Variants in SLC8A3 observed in about 807,000 individuals in gnomAD.
SLC8A3 encodes the protein solute carrier family 8 member A3.
A neutral mutation model predicts 65.4 loss-of-function variants in SLC8A3; 37 were observed. The ratio of observed to expected loss-of-function variants is 0.57; its 90% CI spans 0.44 to 0.74. The LOEUF (loss-of-function observed/expected upper bound fraction) is 0.74, where lower values mean the gene tolerates loss of function less well. SLC8A3 is among the 30% of genes least tolerant of loss of function. SLC8A3 has a pLI of 0.00. For missense variants in SLC8A3, 1,112 were observed against 1,172.1 expected, an observed-to-expected ratio of 0.95 and a Z score of 0.75; for synonymous variants, 461 against 444.5, an observed-to-expected ratio of 1.04 and a Z score of -0.47.
chr14:70,126,810 A>G (rs1894489719), intron 2 of SLC8A3, among the ~76,000 whole-genome samples: 2 of 152,068 alleles, frequency 1.3e-5, no homozygotes, highest in Non-Finnish European at 2.9e-5. Flanking sequence ...TTGAGTGCCA[A>G]TATGACACTC....
Position 70,168,461 on chromosome 14 carries a change from T to C in SLC8A3, c.-39A>G. 6.5e-7 allele frequency: 1 copy of C among 1,537,514 alleles called. No individual in the cohort carries two copies. Among genetic ancestry groups the C allele is most frequent in the Non-Finnish European group, 8.9e-7 (1 of 1,122,804 alleles). On this transcript the variant is annotated 5_prime_UTR_variant, in exon 2 of 7. Coordinates refer to ENST00000356921, the MANE Select transcript of SLC8A3 (RefSeq NM_182932.3). ...CCACTGGCTTCTATTGCAGCACCAG[T>C]TGTCCTCCTGATAGGCCAGAGACCT... is the stretch of plus-strand genomic sequence containing the variant.
chr14:70,076,719 C>A (rs1419593960), intron 2 of SLC8A3, among the ~76,000 whole-genome samples: 1 of 152,176 alleles, frequency 6.6e-6, no homozygotes, highest in South Asian at 2.1e-4. Flanking sequence ...GCCTTCAAAA[C>A]ATGCATGAAA....
chr14:70,076,026 C>A (rs1890483116), intron 2 of SLC8A3, among the ~76,000 whole-genome samples: 1 of 152,170 alleles, frequency 6.6e-6, no homozygotes, highest in Non-Finnish European at 1.5e-5. Context: ...GCCTGCAAAG[C>A]CTGACCTTGA....
intron 2 of SLC8A3, among the ~76,000 whole-genome samples, chr14:70,073,675 G>A (rs1393365640): frequency 3.3e-5 from 5 of 152,188 alleles, no homozygotes; most frequent in Admixed American, 1.3e-4. Flanking sequence ...GGATCTCTCT[G>A]TCTTGTCTTC....
In SLC8A3 at chr14:70,167,367, G is replaced by A. The variant is rs1358462806; in HGVS notation, c.1056C>T (p.Ala352=). 6.2e-7 allele frequency: 1 copy of A among 1,614,166 alleles called. No individual in the cohort carries two copies. Among genetic ancestry groups the A allele is most frequent in the Non-Finnish European group, 8.5e-7 (1 of 1,180,028 alleles). Reference sequence around the variant, plus strand: ...TACGAGTGGCTTGGATACGGTAGAAGGCACGGCTCTTCTGTTGGTGGGAAA... The same window carrying A: ...TACGAGTGGCTTGGATACGGTAGAAAGCACGGCTCTTCTGTTGGTGGGAAA... ...YALSHQQKSR[A]FYRIQATRMM... The change falls in exon 2 of 7, where the codon GCC becomes GCT. Residue 352 remains alanine (A), a synonymous_variant. Coordinates refer to ENST00000356921, the MANE Select transcript of SLC8A3 (RefSeq NM_182932.3).
chr14:70,122,329 C>G (rs953983127), intron 2 of SLC8A3, among the ~76,000 whole-genome samples: 1 of 152,202 alleles, frequency 6.6e-6, no homozygotes, highest in Non-Finnish European at 1.5e-5. Flanking sequence ...TCAGCCCACT[C>G]GCAGATGTTT....
At chr14:70,069,607 C>G (rs1384487617) in intron 2 of SLC8A3, among the ~76,000 whole-genome samples, 1 of 152,124 alleles carries the variant, frequency 6.6e-6, no homozygotes, top group Non-Finnish European at 1.5e-5. Flanking sequence ...TTGGGTGTCA[C>G]TGCCCCATCT....
chr14:70,102,053 G>C (rs141991536), intron 2 of SLC8A3, among the ~76,000 whole-genome samples: 1 of 152,172 alleles, frequency 6.6e-6, no homozygotes, highest in African/African-American at 2.4e-5. Context: ...TTGGCTGAAG[G>C]CTGAGCTGTC....
chr14:70,059,412 T>G (rs1342063468), intron 3 of SLC8A3: 1 of 152,214 alleles, frequency 6.6e-6, no homozygotes, highest in Non-Finnish European at 1.5e-5. Flanking sequence ...CTGCTTCATT[T>G]GCTAGGAGGC....
At chr14:70,061,673 A>G (rs921234499) in intron 2 of SLC8A3, among the ~76,000 whole-genome samples, 5 of 152,168 alleles carry the variant, frequency 3.3e-5, no homozygotes, top group Non-Finnish European at 7.3e-5. Context: ...TGTATTAACC[A>G]CAATATTACA....
chr14:70,093,771 T>G (rs577040649), intron 2 of SLC8A3, among the ~76,000 whole-genome samples: 1 of 152,310 alleles, frequency 6.6e-6, no homozygotes, highest in African/African-American at 2.4e-5. Flanking sequence ...CACTTCCCAT[T>G]CTGCCACTGC....
intron 1 of SLC8A3, among the ~76,000 whole-genome samples, chr14:70,185,729 G>C (rs1485451182): frequency 1.3e-5 from 2 of 152,210 alleles, no homozygotes; most frequent in African/African-American, 4.8e-5. Context: ...TGGGGACACA[G>C]TTTCCTCCCT....
At chr14:70,181,449 G>A (rs4899333) in intron 1 of SLC8A3, among the ~76,000 whole-genome samples, 66,009 of 148,682 alleles carry the variant, frequency 0.44, 15,109 homozygotes, top group East Asian at 0.6. Flanking sequence ...CTCCAGGAGG[G>A]ATGGTAAGCC....
intron 2 of SLC8A3, among the ~76,000 whole-genome samples, chr14:70,133,416 G>C (rs2140240914): frequency 6.6e-6 from 1 of 152,266 alleles, no homozygotes; most frequent in African/African-American, 2.4e-5. Flanking sequence ...AGAAAAAACT[G>C]CAAGAGGCCT....
At chr14:70,164,200 T>C (rs1223959091) in intron 2 of SLC8A3, among the ~76,000 whole-genome samples, 1 of 152,122 alleles carries the variant, frequency 6.6e-6, no homozygotes, top group East Asian at 1.9e-4. Flanking sequence ...ATTTCATAGG[T>C]TAATAAAATT....
At chr14:70,075,539 C>A (rs1010947128) in intron 2 of SLC8A3, among the ~76,000 whole-genome samples, 1 of 152,146 alleles carries the variant, frequency 6.6e-6, no homozygotes, top group African/African-American at 2.4e-5. Context: ...GTTGGGCTTG[C>A]GTGAGTGGCC....
chr14:70,130,247 A>T (rs1490449025), intron 2 of SLC8A3, among the ~76,000 whole-genome samples: 1 of 152,190 alleles, frequency 6.6e-6, no homozygotes, highest in Non-Finnish European at 1.5e-5. Context: ...AGATTTAATA[A>T]CTTTCCTTAA....
At chr14:70,098,315 A>G (rs201432386) in intron 2 of SLC8A3, among the ~76,000 whole-genome samples, 1 of 138,666 alleles carries the variant, frequency 7.2e-6, no homozygotes, top group African/African-American at 2.7e-5. Context: ...TTTAAAAAAA[A>G]CCCTCTGCCT....
intron 2 of SLC8A3, among the ~76,000 whole-genome samples, chr14:70,108,399 C>CAAA (rs764907002): frequency 6.5e-5 from 6 of 92,058 alleles, no homozygotes; most frequent in African/African-American, 1.8e-4. Flanking sequence ...GACTCCGTCT[C>CAAA]AAAAAAAAAA....
Sources: gnomAD v4.1 joint callset for allele counts (sites outside exome capture counted in the v4.1 genomes callset) on GRCh38, gnomAD v4.1.1 for gene constraint, MANE v1.5 for transcripts, NCBI Gene and HGNC (gene_info 2026-07-23, HGNC 2026-07-21) for gene names.